BNC2: variants seen among roughly 807,000 people sequenced by gnomAD.
The protein encoded by BNC2 is basonuclin zinc finger protein 2, also known as zinc finger protein basonuclin-2.
In BNC2, 20 loss-of-function variants were observed where a neutral mutation model predicts 76.3. The ratio of observed to expected loss-of-function variants is 0.26; its 90% CI spans 0.18 to 0.38. The LOEUF is 0.38. BNC2 is among the 10% of genes least tolerant of loss of function. The pLI, the probability that BNC2 is intolerant of heterozygous loss-of-function variation, is 1.00. For missense variants in BNC2, 1,382 were observed against 1,399.8 expected, an observed-to-expected ratio of 0.99 and a Z score of 0.20; for synonymous variants, 582 against 514.8, an observed-to-expected ratio of 1.13 and a Z score of -1.77.
chr9:16,504,956 A>G (rs551960326), intron 5 of BNC2, among the ~76,000 whole-genome samples: 1 of 152,310 alleles, frequency 6.6e-6, no homozygotes, highest in South Asian at 2.1e-4. Context: ...CATCTTTGGA[A>G]TTTCTTTATC....
intron 5 of BNC2, among the ~76,000 whole-genome samples, chr9:16,488,680 T>G (rs1361345262): frequency 6.6e-6 from 1 of 152,218 alleles, no homozygotes; most frequent in Non-Finnish European, 1.5e-5. Flanking sequence ...AATGCTGTAG[T>G]GAAAGCATTC....
intron 3 of BNC2, among the ~76,000 whole-genome samples, chr9:16,647,413 A>G (rs1587271028): frequency 6.6e-6 from 1 of 152,140 alleles, no homozygotes; most frequent in East Asian, 1.9e-4. Context: ...CCTTAGACAG[A>G]CTTTGACAGA....
chr9:16,612,515 CCCCTCA>C (rs1303225975), intron 3 of BNC2, among the ~76,000 whole-genome samples: 1 of 152,122 alleles, frequency 6.6e-6, no homozygotes, highest in Non-Finnish European at 1.5e-5. Context: ...ATGACAAGAT[CCCCTCA>C]CCAATTCTTA....
intron 5 of BNC2, among the ~76,000 whole-genome samples, chr9:16,502,295 C>T (rs956769072): frequency 6.6e-6 from 1 of 152,168 alleles, no homozygotes; most frequent in East Asian, 1.9e-4. Flanking sequence ...TCACAGCGAG[C>T]TATGGTCACG....
rs79046448 is a variant in BNC2 at position 16,427,414 on chromosome 9, C to T, written c.2640-7765G>A. Among the ~76,000 whole-genome samples, 9 of 152,272 alleles carry T rather than the reference C, an allele frequency of 5.9e-5. No homozygotes were observed. The South Asian group carries it at 1.2e-3, about 21-fold the overall frequency. On this transcript the variant is annotated intron_variant, in intron 6 of 6. Transcript: ENST00000380672. ...TTTATCATATTGCTTTGGCTGCCTA[C>T]GTCCACAATAAACAGGATACTATCA...
intron 5 of BNC2, among the ~76,000 whole-genome samples, chr9:16,514,827 A>G (rs1367773747): frequency 6.6e-6 from 1 of 152,250 alleles, no homozygotes; most frequent in Admixed American, 6.5e-5. Flanking sequence ...ATGGAGAGAG[A>G]AATAAGTAGT....
chr9:16,861,246 A>G (rs996468123), intron 1 of BNC2, among the ~76,000 whole-genome samples: 1 of 149,772 alleles, frequency 6.7e-6, no homozygotes, highest in African/African-American at 2.5e-5. Flanking sequence ...CCCAATTACT[A>G]CGGAGGCTGA....
intron 3 of BNC2, among the ~76,000 whole-genome samples, chr9:16,700,301 C>T (rs550438783): frequency 2.0e-5 from 3 of 152,130 alleles, no homozygotes; most frequent in Non-Finnish European, 4.4e-5. Context: ...ATAATCCCAG[C>T]GCTTTGGGAA....
rs948519118 is a variant in BNC2 at position 16,507,619 on chromosome 9, G to C, written c.669+44911C>G. ...AATTTTTGTATTTTTAGTAGAGACA[G>C]GGTTTCATTATGTTGGCCAGGTTGG... On this transcript the variant is annotated intron_variant, in intron 5 of 6. Coordinates refer to ENST00000380672, the MANE Select transcript of BNC2 (RefSeq NM_017637.6). Among the ~76,000 whole-genome samples the C allele has an allele frequency of 2.0e-5, 3 of 152,146 alleles. No homozygotes were observed. The South Asian group carries it at 6.2e-4, about 32-fold the overall frequency.
intron 3 of BNC2, among the ~76,000 whole-genome samples, chr9:16,721,211 T>A (rs975929481): frequency 1.3e-5 from 2 of 152,114 alleles, no homozygotes; most frequent in Non-Finnish European, 2.9e-5. Context: ...ATCTTATTTT[T>A]CCTGCATCTT....
chr9:16,442,231 A>G (rs1308791770), intron 5 of BNC2, among the ~76,000 whole-genome samples: 1 of 152,240 alleles, frequency 6.6e-6, no homozygotes, highest in African/African-American at 2.4e-5. Flanking sequence ...TAATTAAAAG[A>G]TGAGTAACAC....
intron 1 of BNC2, among the ~76,000 whole-genome samples, chr9:16,819,775 A>T (rs1199461021): frequency 6.6e-6 from 1 of 152,128 alleles, no homozygotes; most frequent in African/African-American, 2.4e-5. Context: ...CTCTGAAAAT[A>T]TCATCTCATT....
At chr9:16,553,260 G>C (rs1818720832) in intron 4 of BNC2, among the ~76,000 whole-genome samples, 2 of 152,252 alleles carry the variant, frequency 1.3e-5, no homozygotes, top group African/African-American at 4.8e-5. Flanking sequence ...AGAGGAGGAA[G>C]AGAGTGTTCT....
At chr9:16,731,031 T>C (rs999817661) in intron 2 of BNC2, among the ~76,000 whole-genome samples, 6 of 152,142 alleles carry the variant, frequency 3.9e-5, no homozygotes, top group Non-Finnish European at 5.9e-5. Flanking sequence ...CTTCCACATA[T>C]AACATACTGT....
At chr9:16,534,833 T>C (rs1309669121) in intron 5 of BNC2, among the ~76,000 whole-genome samples, 1 of 152,154 alleles carries the variant, frequency 6.6e-6, no homozygotes, top group Non-Finnish European at 1.5e-5. Flanking sequence ...AAATCAAAAC[T>C]TTTATACTTT....
chr9:16,496,418 A>T (rs1822390654), intron 5 of BNC2, among the ~76,000 whole-genome samples: 1 of 152,210 alleles, frequency 6.6e-6, no homozygotes, highest in South Asian at 2.1e-4. Flanking sequence ...GGACTATTAA[A>T]AATAGCACCA....
At chr9:16,701,938 C>CAA (rs5896700) in intron 3 of BNC2, among the ~76,000 whole-genome samples, 1,515 of 90,802 alleles carry the variant, frequency 0.017, 66 homozygotes, top group Non-Finnish European at 0.02. Flanking sequence ...CGAGACTCTC[C>CAA]AAAAAAAAAA....
chr9:16,838,576 C>T (rs912977997), intron 1 of BNC2, among the ~76,000 whole-genome samples: 13 of 152,162 alleles, frequency 8.5e-5, no homozygotes, highest in East Asian at 7.7e-4. Flanking sequence ...AAAAGAAATG[C>T]GAGTTGTTAC....
At chr9:16,866,487 G>A (rs1005619553) in intron 1 of BNC2, among the ~76,000 whole-genome samples, 2 of 151,718 alleles carry the variant, frequency 1.3e-5, no homozygotes, top group African/African-American at 4.8e-5. Flanking sequence ...TAAAACGAGA[G>A]TAACTCCCTC....
Sources: gnomAD v4.1 joint callset for allele counts (sites outside exome capture counted in the v4.1 genomes callset) on GRCh38, gnomAD v4.1.1 for gene constraint, MANE v1.5 for transcripts, NCBI Gene and HGNC (gene_info 2026-07-23, HGNC 2026-07-21) for gene names.